The following LVRN variants were observed in gnomAD, a reference collection of about 807,000 sequenced individuals.
LVRN encodes the protein aminopeptidase Q.
A neutral mutation model predicts 111.4 loss-of-function variants in LVRN; 99 were observed. The ratio of observed to expected loss-of-function variants is 0.89; its 90% CI spans 0.76 to 1.05. The LOEUF is 1.05. Among genes scored for constraint, LVRN ranks in the 50% least tolerant of loss-of-function variants. The pLI, the probability that LVRN is intolerant of heterozygous loss-of-function variation, is 0.00. For missense variants in LVRN, 1,414 were observed against 1,206.8 expected (o/e 1.17, Z -2.54); for synonymous variants, 488 against 449.5 (o/e 1.09, Z -1.08).
chr5:115,974,472 TA>T (rs1267296529), intron 1 of LVRN: 1 of 152,320 alleles, frequency 6.6e-6, no homozygotes, highest in Non-Finnish European at 1.5e-5. Context: ...ATTAAAGTTT[TA>T]CGTCTGGTAA....
intron 3 of LVRN, 41 bp from the exon 4 acceptor site, chr5:115,987,772 C>T (rs1284655113): frequency 1.3e-6 from 2 of 1,589,312 alleles, no homozygotes; most frequent in South Asian, 2.3e-5. Flanking sequence ...TCCAAAATCA[C>T]TACTGGTTTT....
chr5:116,001,925 C>T (rs1748246908), intron 10 of LVRN, among the ~76,000 whole-genome samples: 2 of 152,106 alleles, frequency 1.3e-5, no homozygotes, highest in Admixed American at 6.5e-5. Flanking sequence ...AGCCTTTATC[C>T]CTTTCTTCTT....
At chr5:116,010,021 T>C (rs1748453022) in intron 13 of LVRN, among the ~76,000 whole-genome samples, 2 of 152,194 alleles carry the variant, frequency 1.3e-5, no homozygotes, top group African/African-American at 2.4e-5. Flanking sequence ...ATTGAGCAAT[T>C]TGGCAAACTT....
At chr5:115,996,046 C>T (rs1748101945) in intron 6 of LVRN, among the ~76,000 whole-genome samples, 1 of 152,098 alleles carries the variant, frequency 6.6e-6, no homozygotes, top group African/African-American at 2.4e-5. Flanking sequence ...TCTATGCCTA[C>T]AAAATTGTTT....
chr5:116,025,638 G>A (rs1347222553), intron 19 of LVRN, among the ~76,000 whole-genome samples: 1 of 152,086 alleles, frequency 6.6e-6, no homozygotes, highest in African/African-American at 2.4e-5. Context: ...TTAAAAAATT[G>A]GGGGGGTTCA....
chr5:115,983,318 T>C lies in LVRN; in HGVS notation c.727T>C (p.Phe243Leu). 6.2e-7 allele frequency: 1 copy of C among 1,607,034 alleles called. No homozygotes were observed. Among genetic ancestry groups the C allele is most frequent in the South Asian group, 1.1e-5 (1 of 89,496 alleles). Residue 243 changes from phenylalanine to leucine, a missense_variant, in exon 2 of 20, where the codon TTT becomes CTT. Physicochemically the swap from Phe to Leu is conservative, Grantham distance 22. Coordinates refer to ENST00000357872, the MANE Select transcript of LVRN (RefSeq NM_173800.5). Reference sequence around the variant, plus strand: ...GTTAGCGTCCCAGCTGGAACCAACATTTGCCAGGTATGTTTTCCCTTGTTT... The same window carrying C: ...GTTAGCGTCCCAGCTGGAACCAACACTTGCCAGGTATGTTTTCCCTTGTTT... ...ALLASQLEPT[F>L]ARYVFPCFDE...
intron 3 of LVRN, among the ~76,000 whole-genome samples, chr5:115,987,172 A>G (rs1747888264): frequency 6.6e-6 from 1 of 152,188 alleles, no homozygotes; most frequent in African/African-American, 2.4e-5. Context: ...CGGACAAAAC[A>G]TGGCAGAGAT....
Position 115,992,146 on chromosome 5 carries a change from G to C in LVRN, c.1129G>C (p.Asp377His). 1 of 1,612,798 alleles carries C rather than the reference G, an allele frequency of 6.2e-7. No homozygotes were observed. Among genetic ancestry groups the C allele is most frequent in the East Asian group, 2.2e-5 (1 of 44,848 alleles). ...KTDIIALPSF[D>H]NHAMENWGLM... ...AGATATAATTGCCTTGCCTAGTTTT[G>C]ACAACCATGCAATGGAAAACTGGGG... The change falls in exon 5 of 20, where the codon GAC becomes CAC. Residue 377 changes from aspartate to histidine, a missense_variant. Transcript: ENST00000357872.
chr5:115,999,980 T>A, intron 7 of LVRN, 78 bp downstream of exon 7: 1 of 1,430,472 alleles, frequency 7.0e-7, no homozygotes, highest in African/African-American at 1.4e-5. Context: ...GGGTCCTATA[T>A]CATCATACAA....
chr5:115,992,321 C>G (rs1308032133), intron 5 of LVRN, 44 bp downstream of exon 5: 2 of 1,606,678 alleles, frequency 1.2e-6, no homozygotes, highest in Admixed American at 3.4e-5. Context: ...AAGTTATTCT[C>G]CAGGTGCGCT....
At chr5:116,024,195 T>C (rs918467473) in intron 19 of LVRN, among the ~76,000 whole-genome samples, 3 of 152,188 alleles carry the variant, frequency 2.0e-5, no homozygotes, top group African/African-American at 7.2e-5. Context: ...CATTGACTTT[T>C]ACAGTTTAAG....
At chr5:115,981,507 T>C (rs1753559552) in intron 1 of LVRN, among the ~76,000 whole-genome samples, 1 of 152,142 alleles carries the variant, frequency 6.6e-6, no homozygotes, top group Admixed American at 6.6e-5. Context: ...TACTTTGATA[T>C]AGGCATGGAA....
At chr5:115,978,732 CCTT>C (rs756752644) in intron 1 of LVRN, among the ~76,000 whole-genome samples, 1 of 152,072 alleles carries the variant, frequency 6.6e-6, no homozygotes, top group Non-Finnish European at 1.5e-5. Context: ...GGGTGGTAGT[CCTT>C]CTTCTTTTCT....
At chr5:116,003,124 A>G in intron 11 of LVRN, 117 bp from the exon 12 acceptor site, 3 of 1,035,602 alleles carry the variant, frequency 2.9e-6, no homozygotes, top group Non-Finnish European at 4.2e-6. Context: ...ATATTTTAGA[A>G]TTCCTTTAAT....
intron 13 of LVRN, 89 bp from the exon 14 acceptor site, chr5:116,010,652 T>A: frequency 7.6e-7 from 1 of 1,323,716 alleles, no homozygotes; most frequent in Admixed American, 1.9e-5. Flanking sequence ...ATTGAAGTCA[T>A]GCATTGAAAC....
chr5:115,995,100 C>T (rs1057311817), intron 6 of LVRN, among the ~76,000 whole-genome samples: 1 of 152,220 alleles, frequency 6.6e-6, no homozygotes, highest in African/African-American at 2.4e-5. Context: ...GCTATCTCTA[C>T]TTGCTGGATC....
At chr5:116,025,851 A>T in intron 19 of LVRN, 127 bp from the exon 20 acceptor site, 1 of 1,201,814 alleles carries the variant, frequency 8.3e-7, no homozygotes, top group Non-Finnish European at 1.2e-6. Flanking sequence ...CTAGGAGTAT[A>T]CATTTCTACT....
At chr5:115,969,083 A>G (rs980099797) in intron 1 of LVRN, among the ~76,000 whole-genome samples, 24 of 152,336 alleles carry the variant, frequency 1.6e-4, no homozygotes, top group African/African-American at 5.5e-4. Context: ...TCTCCTTTCA[A>G]GAGGTCTCCT....
rs1580406116 is a variant in LVRN, at chr5:116,026,547, G to A, written c.*429G>A. The A allele has an allele frequency of 4.9e-6, 1 of 205,270 alleles. No homozygotes were observed. The highest frequency in any genetic ancestry group is 2.4e-5 in the African/African-American group (1 of 41,854). The allele number at this position is 205,270 out of a possible 1,614,324, so 12.7% of individuals were successfully genotyped here. ...TTAGTTCAACATTGAAGATTGAAAA[G>A]ACTAATGAGAAGATAACATGACAAT... On this transcript the variant is annotated 3_prime_UTR_variant, in exon 20 of 20. Coordinates refer to ENST00000357872, the MANE Select transcript of LVRN (RefSeq NM_173800.5).
Sources: allele counts gnomAD v4.1 joint callset (sites outside exome capture counted in the v4.1 genomes callset), GRCh38; gene constraint gnomAD v4.1.1; transcripts MANE v1.5; gene names NCBI Gene and HGNC (gene_info 2026-07-23, HGNC 2026-07-21).